The following CACNB4 variants were observed in gnomAD, a reference collection of about 807,000 sequenced individuals.
CACNB4 encodes voltage-dependent L-type calcium channel subunit beta-4.
A neutral mutation model predicts 71.2 loss-of-function variants in CACNB4; 32 were observed. The ratio of observed to expected loss-of-function variants is 0.45; its 90% CI spans 0.34 to 0.60. The LOEUF is 0.60. CACNB4 is among the 20% of genes least tolerant of loss of function. CACNB4 has a pLI of 0.01. For missense variants in CACNB4, 464 were observed against 647.9 expected (o/e 0.72, Z 3.08); for synonymous variants, 231 against 236.9 (o/e 0.97, Z 0.23).
chr2:151,905,562 T>C lies in CACNB4; in HGVS notation c.148-22192A>G, dbSNP rs1382869320. On this transcript the variant is annotated intron_variant, in intron 2 of 13. Coordinates refer to ENST00000539935, the MANE Select transcript of CACNB4 (RefSeq NM_000726.5). ...AATAATATGATAGAATAGCCACAAA[T>C]GTATTTTGTACCTGGCAATATAAAG... Among the ~76,000 whole-genome samples the C allele has an allele frequency of 2.0e-5, 3 of 152,232 alleles. No homozygotes were observed. The East Asian group carries it at 5.8e-4, about 29-fold the overall frequency.
In CACNB4 at chr2:151,987,741, C is replaced by T. The variant is rs560655633; in HGVS notation, c.148-104371G>A. Among the ~76,000 whole-genome samples the T allele has an allele frequency of 2.6e-5, 4 of 152,286 alleles. No individual in the cohort carries two copies. In the East Asian group the frequency reaches 7.7e-4, roughly 29 times the overall value. ...TATTTTTCTAAATTTGGAGTCATTA[C>T]ACATGCTGCTAACTCAGATAACTTA... On this transcript the variant is annotated intron_variant, in intron 2 of 13. Transcript: ENST00000539935.
chr2:151,895,903 G>C (rs896803933), intron 2 of CACNB4, among the ~76,000 whole-genome samples: 2 of 149,654 alleles, frequency 1.3e-5, no homozygotes, highest in African/African-American at 4.9e-5. Flanking sequence ...GAGCGCAAAT[G>C]GGGCAATCTC....
intron 13 of CACNB4, among the ~76,000 whole-genome samples, chr2:151,840,799 T>C (rs975232221): frequency 1.3e-5 from 2 of 152,218 alleles, no homozygotes; most frequent in African/African-American, 4.8e-5. Context: ...ATCATTATAA[T>C]CCATTAAAAC....
intron 2 of CACNB4, among the ~76,000 whole-genome samples, chr2:152,077,407 G>A (rs1025008596): frequency 3.3e-5 from 5 of 152,164 alleles, no homozygotes; most frequent in Non-Finnish European, 7.3e-5. Flanking sequence ...ACAAAAATTA[G>A]CTGGGTGTGG....
intron 2 of CACNB4, among the ~76,000 whole-genome samples, chr2:151,909,508 G>A (rs961629225): frequency 2.6e-5 from 4 of 151,232 alleles, no homozygotes; most frequent in Non-Finnish European, 5.9e-5. Context: ...CGTTACACAG[G>A]TATATGTGTG....
At chr2:151,935,622 T>C (rs1387936017) in intron 2 of CACNB4, among the ~76,000 whole-genome samples, 2 of 152,226 alleles carry the variant, frequency 1.3e-5, no homozygotes, top group African/African-American at 4.8e-5. Context: ...GACAAATCCA[T>C]ATGCGGATAG....
chr2:152,042,864 C>G (rs1684948553), intron 2 of CACNB4, among the ~76,000 whole-genome samples: 1 of 152,098 alleles, frequency 6.6e-6, no homozygotes, highest in Admixed American at 6.6e-5. Flanking sequence ...GTCACAAAGA[C>G]CTTGCTGATA....
chr2:151,901,222 C>T (rs1206446509), intron 2 of CACNB4, among the ~76,000 whole-genome samples: 1 of 151,808 alleles, frequency 6.6e-6, no homozygotes, highest in Non-Finnish European at 1.5e-5. Context: ...TGAGCTCAAG[C>T]GATCCACCCA....
rs769904738 is a variant in CACNB4, at chr2:151,835,258, CT to C, written c.*3860del. 13 of 151,956 alleles carry C rather than the reference CT, an allele frequency of 8.6e-5. No homozygotes were observed. The highest frequency in any genetic ancestry group is 1.6e-4 in the Non-Finnish European group (11 of 67,826). The allele number at this position is 151,956 out of a possible 1,614,324, so 9.4% of individuals were successfully genotyped here. Reference sequence around the variant, plus strand: ...TAAATTAACCTTGCCTCATGATAAACTGTGAACCAATTCAAAGAAAACTTCA... The same window carrying C: ...TAAATTAACCTTGCCTCATGATAAACGTGAACCAATTCAAAGAAAACTTCA... On this transcript the variant is annotated 3_prime_UTR_variant, in exon 14 of 14. Transcript: ENST00000539935.
At chr2:152,035,596 T>C (rs1470577160) in intron 2 of CACNB4, among the ~76,000 whole-genome samples, 2 of 145,044 alleles carry the variant, frequency 1.4e-5, no homozygotes, top group African/African-American at 5.1e-5. Context: ...TCCCTCTCTC[T>C]CTCTCTTTCT....
chr2:151,946,849 T>C (rs28438674), intron 2 of CACNB4, among the ~76,000 whole-genome samples: 33,930 of 152,152 alleles, frequency 0.22, 3,914 homozygotes, highest in Middle Eastern at 0.41. Flanking sequence ...ATTTCATCAA[T>C]ACAATTTCAT....
chr2:152,051,320 T>A (rs1486266113), intron 2 of CACNB4, among the ~76,000 whole-genome samples: 1 of 152,180 alleles, frequency 6.6e-6, no homozygotes, highest in African/African-American at 2.4e-5. Context: ...AAGTGCATAA[T>A]CAACAGTTTA....
intron 3 of CACNB4, chr2:151,882,910 A>C (rs2099848333): frequency 2.8e-6 from 1 of 355,592 alleles, no homozygotes; most frequent in East Asian, 7.0e-5. Flanking sequence ...ATAAAGGCTG[A>C]AGTAATGGAT....
At chr2:152,060,556 C>T (rs1333385659) in intron 2 of CACNB4, among the ~76,000 whole-genome samples, 2 of 152,126 alleles carry the variant, frequency 1.3e-5, no homozygotes, top group East Asian at 3.8e-4. Context: ...TTAGCTATTC[C>T]ACAACTCATG....
chr2:151,893,601 T>C (rs2099851294), intron 2 of CACNB4, among the ~76,000 whole-genome samples: 1 of 152,072 alleles, frequency 6.6e-6, no homozygotes, highest in African/African-American at 2.4e-5. Context: ...ATTATATATA[T>C]AACACACATA....
At chr2:151,887,957 A>G (rs2099849787) in intron 2 of CACNB4, among the ~76,000 whole-genome samples, 1 of 151,822 alleles carries the variant, frequency 6.6e-6, no homozygotes, top group Non-Finnish European at 1.5e-5. Context: ...TTTTTTTAAA[A>G]AAATGGCTTT....
chr2:151,925,471 A>G (rs1382489445), intron 2 of CACNB4, among the ~76,000 whole-genome samples: 2 of 152,202 alleles, frequency 1.3e-5, no homozygotes, highest in African/African-American at 4.8e-5. Flanking sequence ...TTAAAATCCT[A>G]TCAAGTTAAT....
At chr2:152,012,384 G>A (rs866580436) in intron 2 of CACNB4, among the ~76,000 whole-genome samples, 7 of 152,150 alleles carry the variant, frequency 4.6e-5, no homozygotes, top group Admixed American at 1.3e-4. Context: ...CAGGTGGAGC[G>A]CCTGAAGTCA....
At chr2:151,968,405 T>G (rs2099871695) in intron 2 of CACNB4, 1 of 152,208 alleles carries the variant, frequency 6.6e-6, no homozygotes. Flanking sequence ...TATGGATATC[T>G]GAGTTCATGG....
Sources: gnomAD v4.1 joint callset for allele counts (sites outside exome capture counted in the v4.1 genomes callset) on GRCh38, gnomAD v4.1.1 for gene constraint, MANE v1.5 for transcripts, NCBI Gene and HGNC (gene_info 2026-07-23, HGNC 2026-07-21) for gene names.